LOC128092252: variants seen among roughly 807,000 people sequenced by gnomAD.
chr15:50,668,339 TC>T, the LOC128092252 span, among the ~76,000 whole-genome samples: 3 of 152,344 alleles, frequency 2.0e-5, no homozygotes, highest in Middle Eastern at 3.4e-3. Flanking sequence ...ACGTCGCTGA[TC>T]CTTTATTTTG....
the LOC128092252 span, among the ~76,000 whole-genome samples, chr15:50,679,538 A>ATATATTT: frequency 5.7e-3 from 249 of 43,802 alleles, 10 homozygotes; most frequent in African/African-American, 0.026. Context: ...ATATATATAT[A>ATATATTT]TTTTTTTTTT....
chr15:50,654,035 A>G, the LOC128092252 span, among the ~76,000 whole-genome samples: 1 of 152,218 alleles, frequency 6.6e-6, no homozygotes, highest in African/African-American at 2.4e-5. Flanking sequence ...TGCCCTAACA[A>G]AGAAGAAAAT....
At chr15:50,653,070 GA>G in the LOC128092252 span, among the ~76,000 whole-genome samples, 5 of 152,150 alleles carry the variant, frequency 3.3e-5, no homozygotes, top group Non-Finnish European at 7.4e-5. Flanking sequence ...AAGATCACCT[GA>G]GCCCGGGAGG....
chr15:50,683,924 A>C, the LOC128092252 span, among the ~76,000 whole-genome samples: 3 of 151,598 alleles, frequency 2.0e-5, no homozygotes, highest in Non-Finnish European at 2.9e-5. Context: ...TGAATGGCGC[A>C]ATCTTGGCTC....
the LOC128092252 span, among the ~76,000 whole-genome samples, chr15:50,653,931 T>G: frequency 6.6e-6 from 1 of 152,110 alleles, no homozygotes; most frequent in African/African-American, 2.4e-5. Flanking sequence ...AAGACATCAC[T>G]GAACCCCCTG....
chr15:50,659,450 A>G, the LOC128092252 span, among the ~76,000 whole-genome samples: 21 of 152,318 alleles, frequency 1.4e-4, no homozygotes, highest in South Asian at 3.3e-3. Flanking sequence ...TAAGTTATGA[A>G]CCAAGTGTCA....
chr15:50,668,959 T>G, the LOC128092252 span, among the ~76,000 whole-genome samples: 1 of 152,330 alleles, frequency 6.6e-6, no homozygotes, highest in East Asian at 1.9e-4. Flanking sequence ...AATTAAAAGC[T>G]GCTTGGGAAA....
At chr15:50,656,587 C>G in the LOC128092252 span, among the ~76,000 whole-genome samples, 1 of 151,564 alleles carries the variant, frequency 6.6e-6, no homozygotes. Flanking sequence ...CCTCCTGCCT[C>G]AACCTCCCCA....
the LOC128092252 span, among the ~76,000 whole-genome samples, chr15:50,675,021 G>A: frequency 6.6e-6 from 1 of 151,946 alleles, no homozygotes; most frequent in South Asian, 2.1e-4. Flanking sequence ...ATGCCTACAG[G>A]GACACATAAT....
At chr15:50,676,266 A>T in the LOC128092252 span, among the ~76,000 whole-genome samples, 1 of 152,238 alleles carries the variant, frequency 6.6e-6, no homozygotes, top group East Asian at 1.9e-4. Context: ...AAAGATTCCT[A>T]AAAAATTCTG....
the LOC128092252 span, among the ~76,000 whole-genome samples, chr15:50,659,012 C>T: frequency 3.9e-5 from 6 of 152,034 alleles, no homozygotes; most frequent in African/African-American, 1.4e-4. Context: ...TCCTGGCTAA[C>T]GCAGTGAAAC....
the LOC128092252 span, among the ~76,000 whole-genome samples, chr15:50,661,811 T>C: frequency 6.6e-6 from 1 of 152,234 alleles, no homozygotes; most frequent in Non-Finnish European, 1.5e-5. Context: ...CAAATACTTT[T>C]GTCAATTAAT....
At chr15:50,684,612 C>A in the LOC128092252 span, among the ~76,000 whole-genome samples, 1 of 151,786 alleles carries the variant, frequency 6.6e-6, no homozygotes, top group Non-Finnish European at 1.5e-5. Flanking sequence ...CTGCACTCAG[C>A]CTGGGCAACA....
At chr15:50,685,388 C>T in the LOC128092252 span, among the ~76,000 whole-genome samples, 2 of 152,204 alleles carry the variant, frequency 1.3e-5, no homozygotes, top group African/African-American at 4.8e-5. Flanking sequence ...ATCCCGGAGG[C>T]GGATGTTGCA....
chr15:50,661,468 A>G, the LOC128092252 span, among the ~76,000 whole-genome samples: 1 of 152,200 alleles, frequency 6.6e-6, no homozygotes, highest in Non-Finnish European at 1.5e-5. Context: ...TTGTTTCTCA[A>G]AAGTTTTTTA....
chr15:50,663,989 A>G, the LOC128092252 span, among the ~76,000 whole-genome samples: 1 of 151,860 alleles, frequency 6.6e-6, no homozygotes, highest in African/African-American at 2.4e-5. Flanking sequence ...AAAAAACCTG[A>G]AAAAAAGACA....
chr15:50,648,968 A>T, the LOC128092252 span: 1 of 1,020,248 alleles, frequency 9.8e-7, no homozygotes, highest in African/African-American at 1.6e-5. Context: ...ATGAACCGAC[A>T]AATATAAGCT....
chr15:50,655,573 A>G, the LOC128092252 span, among the ~76,000 whole-genome samples: 1 of 152,048 alleles, frequency 6.6e-6, no homozygotes, highest in Admixed American at 6.6e-5. Flanking sequence ...AAACCAAAGG[A>G]ATAGAAAAAA....
At chr15:50,655,135 T>TAA in the LOC128092252 span, among the ~76,000 whole-genome samples, 29,882 of 141,224 alleles carry the variant, frequency 0.21, 3,920 homozygotes, top group East Asian at 0.47. Context: ...AAAAGTTAAT[T>TAA]AAAAAAAAAA....
Sources: allele counts gnomAD v4.1 joint callset (sites outside exome capture counted in the v4.1 genomes callset), GRCh38; gene constraint gnomAD v4.1.1; transcripts MANE v1.5.